Variants in ARHGAP32 observed in about 807,000 individuals in gnomAD.
The protein encoded by ARHGAP32 is rho GTPase-activating protein 32.
ARHGAP32 carries 51 observed loss-of-function variants against 186.5 expected under a neutral mutation model. The observed-to-expected ratio is 0.27, with a 90% CI of 0.22 to 0.35. ARHGAP32 has a LOEUF of 0.35. Ranked by LOEUF, ARHGAP32 falls within the 10% of genes least tolerant of loss-of-function variation. The pLI is 1.00. For missense variants in ARHGAP32, 2,186 were observed against 2,623.5 expected (o/e 0.83, Z 3.64); for synonymous variants, 950 against 964.3 (o/e 0.99, Z 0.27).
At chr11:129,259,083 G>A (rs944926356) in intron 1 of ARHGAP32, among the ~76,000 whole-genome samples, 17 of 152,118 alleles carry the variant, frequency 1.1e-4, no homozygotes, top group African/African-American at 3.9e-4. Flanking sequence ...ATGCATTACT[G>A]ATGGGAAAAA....
At chr11:129,230,145 G>C (rs9888242) in intron 1 of ARHGAP32, among the ~76,000 whole-genome samples, 19,565 of 152,028 alleles carry the variant, frequency 0.13, 1,388 homozygotes, top group Non-Finnish European at 0.15. Flanking sequence ...AATGAAAAAC[G>C]AAGTTATATG....
chr11:129,075,666 T>C (rs901434732), intron 6 of ARHGAP32, among the ~76,000 whole-genome samples: 1 of 152,196 alleles, frequency 6.6e-6, no homozygotes, highest in Non-Finnish European at 1.5e-5. Context: ...ATAATTGATA[T>C]TGATAGAATA....
intron 11 of ARHGAP32, among the ~76,000 whole-genome samples, chr11:129,006,138 T>C (rs1483761017): frequency 6.6e-6 from 1 of 152,224 alleles, no homozygotes; most frequent in African/African-American, 2.4e-5. Context: ...TTTTCTGTGT[T>C]ACCTTGAATT....
intron 10 of ARHGAP32, among the ~76,000 whole-genome samples, chr11:129,061,256 G>T (rs1299919606): frequency 6.6e-6 from 1 of 151,994 alleles, no homozygotes; most frequent in African/African-American, 2.4e-5. Flanking sequence ...CAACTTTAAG[G>T]CATTTTCAGA....
intron 14 of ARHGAP32, 60 bp downstream of exon 14, chr11:128,986,464 T>C (rs1945875346): frequency 6.3e-7 from 1 of 1,580,384 alleles, no homozygotes; most frequent in African/African-American, 1.4e-5. Context: ...TTCATGTGTT[T>C]TGAACAAAAG....
At chr11:129,170,624 A>C (rs931771924) in intron 1 of ARHGAP32, among the ~76,000 whole-genome samples, 1 of 152,216 alleles carries the variant, frequency 6.6e-6, no homozygotes, top group Admixed American at 6.5e-5. Context: ...TGTTGTAAAC[A>C]GTGCTGCAAT....
intron 6 of ARHGAP32, 70 bp from the exon 7 acceptor site, chr11:129,066,938 C>A: frequency 1.6e-6 from 2 of 1,254,744 alleles, no homozygotes; most frequent in African/African-American, 1.5e-5. Flanking sequence ...AGGCCATATT[C>A]TATAATGTGA....
chr11:129,212,683 A>C (rs914139760), intron 1 of ARHGAP32, among the ~76,000 whole-genome samples: 1 of 152,164 alleles, frequency 6.6e-6, no homozygotes, highest in African/African-American at 2.4e-5. Flanking sequence ...TTTAGATGGC[A>C]ATTAGAGCAA....
At position 129,116,585 on chromosome 11, in the gene ARHGAP32, C is replaced by T. The variant is rs1264451127; in HGVS notation, c.444+6861G>A. 3.3e-5 allele frequency among the ~76,000 whole-genome samples: 5 copies of T among 152,132 alleles called. No individual in the cohort carries two copies. In the East Asian group the frequency reaches 7.7e-4, roughly 24 times the overall value. Reference sequence around the variant, plus strand: ...ATGGGTTTTATTTCAAATGATTACACATGTAGTAACAGTACTTCTGTATAA... The same window carrying T: ...ATGGGTTTTATTTCAAATGATTACATATGTAGTAACAGTACTTCTGTATAA... On this transcript the variant is annotated intron_variant, in intron 5 of 22. Coordinates refer to ENST00000682385, the MANE Select transcript of ARHGAP32 (RefSeq NM_001378024.1).
chr11:129,024,141 G>C, intron 11 of ARHGAP32: 1 of 985,402 alleles, frequency 1.0e-6, no homozygotes, highest in Non-Finnish European at 1.2e-6. Flanking sequence ...CAAGTGTGTG[G>C]GAGAGCTCTG....
At chr11:129,168,427 G>C (rs1943682750) in intron 1 of ARHGAP32, among the ~76,000 whole-genome samples, 1 of 152,102 alleles carries the variant, frequency 6.6e-6, no homozygotes, top group Non-Finnish European at 1.5e-5. Context: ...GAAATAAAGG[G>C]AGACGTTTCA....
chr11:129,068,984 T>C (rs1277531679), intron 6 of ARHGAP32, among the ~76,000 whole-genome samples: 3 of 152,086 alleles, frequency 2.0e-5, no homozygotes, highest in African/African-American at 7.2e-5. Flanking sequence ...AAAATAAGTA[T>C]CCAATAAAAT....
chr11:129,257,957 C>T (rs1047537821), intron 1 of ARHGAP32, among the ~76,000 whole-genome samples: 7 of 152,042 alleles, frequency 4.6e-5, no homozygotes, highest in Non-Finnish European at 7.4e-5. Context: ...TATTATTTAC[C>T]TAATATTTTC....
intron 12 of ARHGAP32, among the ~76,000 whole-genome samples, chr11:128,996,785 A>AATT (rs1285341296): frequency 6.6e-6 from 1 of 152,010 alleles, no homozygotes; most frequent in Non-Finnish European, 1.5e-5. Context: ...TTAAAAAGAA[A>AATT]ATTTTTTTTT....
At chr11:129,202,079 C>T (rs568439917) in intron 1 of ARHGAP32, among the ~76,000 whole-genome samples, 1 of 151,654 alleles carries the variant, frequency 6.6e-6, no homozygotes, top group South Asian at 2.1e-4. Flanking sequence ...AGTACATATA[C>T]ATATACATAT....
intron 1 of ARHGAP32, among the ~76,000 whole-genome samples, chr11:129,249,118 T>C (rs941478192): frequency 6.6e-6 from 1 of 152,080 alleles, no homozygotes; most frequent in Admixed American, 6.6e-5. Context: ...CTTTCTAGAA[T>C]TCATTAAGAA....
chr11:129,218,255 T>C (rs1010123375), intron 1 of ARHGAP32, among the ~76,000 whole-genome samples: 2 of 152,196 alleles, frequency 1.3e-5, no homozygotes, highest in Non-Finnish European at 2.9e-5. Context: ...AACTTATCGA[T>C]AGTAGCCCAC....
chr11:129,079,916 C>T (rs570400357), intron 6 of ARHGAP32, among the ~76,000 whole-genome samples: 44 of 152,150 alleles, frequency 2.9e-4, no homozygotes, highest in African/African-American at 9.9e-4. Context: ...AAAGATATTC[C>T]ATGCAAAGGG....
At chr11:129,261,489 T>C (rs1277089444) in intron 1 of ARHGAP32, among the ~76,000 whole-genome samples, 4 of 152,206 alleles carry the variant, frequency 2.6e-5, no homozygotes, top group Non-Finnish European at 5.9e-5. Context: ...TCCCCTCCTA[T>C]CTTTCAAGAG....
Sources: allele counts gnomAD v4.1 joint callset (sites outside exome capture counted in the v4.1 genomes callset), GRCh38; gene constraint gnomAD v4.1.1; transcripts MANE v1.5; gene names NCBI Gene and HGNC (gene_info 2026-07-23, HGNC 2026-07-21).